Variants in MYCT1 observed in about 807,000 individuals in gnomAD.
The protein encoded by MYCT1 is MYC target 1, also known as myc target protein 1.
A neutral mutation model predicts 15.0 loss-of-function variants in MYCT1; 12 were observed. That is an observed-to-expected ratio of 0.80 (90% CI 0.51 to 1.29). The LOEUF (loss-of-function observed/expected upper bound fraction) is 1.29, where lower values mean the gene tolerates loss of function less well. MYCT1 is among the 50% of genes most tolerant of loss of function. The pLI is 0.00. For synonymous variants in MYCT1, 104 were observed against 102.7 expected (o/e 1.01, Z -0.07); for missense variants, 287 against 279.1 (o/e 1.03, Z -0.20).
the MYCT1 span, among the ~76,000 whole-genome samples, chr6:152,738,504 G>A: frequency 6.6e-6 from 1 of 151,718 alleles, no homozygotes; most frequent in Admixed American, 6.6e-5. Flanking sequence ...GTCCATTAAT[G>A]GAATTCCTAC....
intron 1 of MYCT1, among the ~76,000 whole-genome samples, chr6:152,699,083 T>C (rs1235788510): frequency 6.6e-6 from 1 of 152,192 alleles, no homozygotes; most frequent in Non-Finnish European, 1.5e-5. Context: ...TTTAATCCTC[T>C]CAGTGTACAA....
the MYCT1 span, among the ~76,000 whole-genome samples, chr6:152,741,292 A>G: frequency 6.6e-6 from 1 of 152,160 alleles, no homozygotes; most frequent in Admixed American, 6.5e-5. Flanking sequence ...CATTAATTGG[A>G]ACTCTTTTTC....
rs369419238 is a variant in MYCT1 at position 152,720,336 on chromosome 6, G to A, written c.197-1406G>A. Among the ~76,000 whole-genome samples the A allele has an allele frequency of 2.2e-4, 33 of 152,164 alleles. No individual in the cohort carries two copies. The South Asian group carries it at 6.7e-3, about 31-fold the overall frequency. On this transcript the variant is annotated intron_variant, in intron 1 of 1. Transcript: ENST00000367245. ...AATTCCATTGCATCCTACCGTCAAA[G>A]CAAGTCATGAAGCCTGCCCAGATTC...
chr6:152,739,291 TC>T, the MYCT1 span, among the ~76,000 whole-genome samples: 2 of 151,790 alleles, frequency 1.3e-5, no homozygotes, highest in Non-Finnish European at 2.9e-5. Flanking sequence ...TAATCTGCAA[TC>T]AATAGTATAC....
chr6:152,714,305 CTTT>C (rs5880998), intron 1 of MYCT1, among the ~76,000 whole-genome samples: 11,353 of 119,928 alleles, frequency 0.095, 696 homozygotes, highest in African/African-American at 0.22. Flanking sequence ...TTTTCTTTTT[CTTT>C]TTTTTTTTTT....
At chr6:152,731,911 G>C in the MYCT1 span, among the ~76,000 whole-genome samples, 1 of 151,970 alleles carries the variant, frequency 6.6e-6, no homozygotes. Context: ...ACCACACCTG[G>C]CCAATTTTTA....
At chr6:152,746,289 G>T in the MYCT1 span, among the ~76,000 whole-genome samples, 6 of 152,320 alleles carry the variant, frequency 3.9e-5, no homozygotes, top group African/African-American at 1.4e-4. Context: ...ACCACTGACA[G>T]CACCTAACCC....
At chr6:152,726,108 A>G (rs2099725602), downstream of MYCT1, among the ~76,000 whole-genome samples, 3 of 151,822 alleles carry the variant, frequency 2.0e-5, no homozygotes, top group African/African-American at 7.3e-5. Flanking sequence ...AGTTCAAAGA[A>G]AGTGATGGCC....
At chr6:152,713,939 G>A (rs1040976395) in intron 1 of MYCT1, among the ~76,000 whole-genome samples, 2 of 151,992 alleles carry the variant, frequency 1.3e-5, no homozygotes, top group African/African-American at 4.8e-5. Flanking sequence ...TTTCTTCCAG[G>A]TCTCAACTCC....
chr6:152,719,596 T>C (rs1323700163), intron 1 of MYCT1, among the ~76,000 whole-genome samples: 17 of 152,228 alleles, frequency 1.1e-4, no homozygotes, highest in Non-Finnish European at 1.5e-5. Context: ...TAGAGAATGT[T>C]GATATAATTA....
chr6:152,743,227 G>A, the MYCT1 span, among the ~76,000 whole-genome samples: 328 of 152,162 alleles, frequency 2.2e-3, 2 homozygotes, highest in African/African-American at 7.6e-3. Flanking sequence ...CACCACGCCC[G>A]GCTGATTTTT....
intron 1 of MYCT1, among the ~76,000 whole-genome samples, chr6:152,702,208 G>T (rs186956993): frequency 6.6e-6 from 1 of 152,186 alleles, no homozygotes; most frequent in African/African-American, 2.4e-5. Flanking sequence ...CATGGAAATT[G>T]ACTCATAGGC....
chr6:152,702,449 A>C (rs1034288442), intron 1 of MYCT1, among the ~76,000 whole-genome samples: 9 of 152,170 alleles, frequency 5.9e-5, no homozygotes, highest in Non-Finnish European at 1.3e-4. Context: ...TCCTTTTTCT[A>C]TGCATCCTTG....
At chr6:152,705,997 A>T in intron 1 of MYCT1, 1 of 826,926 alleles carries the variant, frequency 1.2e-6, no homozygotes, top group East Asian at 2.4e-5. Flanking sequence ...GCTTTATCGG[A>T]TGCTGCTGGT....
At chr6:152,718,925 C>T (rs1235143002) in intron 1 of MYCT1, among the ~76,000 whole-genome samples, 1 of 152,048 alleles carries the variant, frequency 6.6e-6, no homozygotes, top group Non-Finnish European at 1.5e-5. Context: ...ATAGGAAGGA[C>T]ATATACTTTG....
At chr6:152,725,071 C>G (rs974744935), downstream of MYCT1, among the ~76,000 whole-genome samples, 8 of 150,842 alleles carry the variant, frequency 5.3e-5, no homozygotes, top group Admixed American at 1.3e-4. Flanking sequence ...TTTTTAAGAG[C>G]CAAAGGGATG....
intron 1 of MYCT1, among the ~76,000 whole-genome samples, chr6:152,701,708 C>T (rs1482051353): frequency 6.6e-6 from 1 of 152,170 alleles, no homozygotes; most frequent in Non-Finnish European, 1.5e-5. Flanking sequence ...TGCCCTTTCT[C>T]TGATTTTCAC....
At position 152,722,037 on chromosome 6, in the gene MYCT1, T is replaced by C. The variant is rs2099724806; in HGVS notation, c.492T>C (p.Ala164=). The C allele has an allele frequency of 6.2e-7, 1 of 1,614,078 alleles. No individual in the cohort carries two copies. Among genetic ancestry groups the C allele is most frequent in the African/African-American group, 1.3e-5 (1 of 74,936 alleles). The change falls in exon 2 of 2, where the codon GCT becomes GCC. Residue 164 remains alanine, a synonymous_variant. Coordinates refer to ENST00000367245, the MANE Select transcript of MYCT1 (RefSeq NM_025107.3). ...NSFPRKSSFR[A]STFHPFLQCP... ...TTCCAAGAAAATCAAGTTTCAGAGC[T>C]TCTACTTTCCATCCCTTTCTGCAAT... is the stretch of plus-strand genomic sequence containing the variant.
chr6:152,714,724 T>C (rs1475916276), intron 1 of MYCT1, among the ~76,000 whole-genome samples: 3 of 151,696 alleles, frequency 2.0e-5, no homozygotes, highest in East Asian at 1.9e-4. Context: ...CCATTTTCTA[T>C]TTGTTCTTTT....
Sources: allele counts gnomAD v4.1 joint callset (sites outside exome capture counted in the v4.1 genomes callset), GRCh38; gene constraint gnomAD v4.1.1; transcripts MANE v1.5; gene names NCBI Gene and HGNC (gene_info 2026-07-23, HGNC 2026-07-21).